Variants in MKLN1 observed in about 807,000 individuals in gnomAD.
The protein encoded by MKLN1 is muskelin.
A neutral mutation model predicts 99.0 loss-of-function variants in MKLN1; 18 were observed. The observed-to-expected ratio is 0.18, with a 90% CI of 0.13 to 0.27. The LOEUF (loss-of-function observed/expected upper bound fraction) is 0.27. Among genes scored for constraint, MKLN1 ranks in the 10% least tolerant of loss-of-function variants. MKLN1 has a pLI of 1.00. For missense variants in MKLN1, 621 were observed against 875.9 expected (o/e 0.71, Z 3.67); for synonymous variants, 288 against 293.2 (o/e 0.98, Z 0.18).
intron 2 of MKLN1, among the ~76,000 whole-genome samples, chr7:131,194,599 GTTACTC>G (rs1796615389): frequency 6.6e-6 from 1 of 152,184 alleles, no homozygotes; most frequent in African/African-American, 2.4e-5. Context: ...GCCAGACCCA[GTTACTC>G]TAGTGCTCTT....
At chr7:131,261,959 A>G (rs1797738003) in intron 3 of MKLN1, among the ~76,000 whole-genome samples, 1 of 152,154 alleles carries the variant, frequency 6.6e-6, no homozygotes, top group Non-Finnish European at 1.5e-5. Flanking sequence ...AGACACAAAA[A>G]AGAGAACAGC....
At chr7:131,478,738 G>C in intron 17 of MKLN1, 61 bp downstream of exon 17, 1 of 1,590,172 alleles carries the variant, frequency 6.3e-7, no homozygotes, top group Non-Finnish European at 8.6e-7. Context: ...GTTGGATTTT[G>C]GTTTCTTTTA....
At chr7:131,354,503 A>AT (rs1013936464) in intron 1 of MKLN1, among the ~76,000 whole-genome samples, 28 of 90,886 alleles carry the variant, frequency 3.1e-4, no homozygotes, top group Admixed American at 4.0e-4. Context: ...TAGTCCTAGG[A>AT]TTTTTTTTTG....
chr7:131,269,559 C>T (rs1797855233), intron 3 of MKLN1, among the ~76,000 whole-genome samples: 1 of 152,218 alleles, frequency 6.6e-6, no homozygotes, highest in African/African-American at 2.4e-5. Context: ...GAGACATAAA[C>T]ATTTAGCTCA....
intron 3 of MKLN1, among the ~76,000 whole-genome samples, chr7:131,284,452 A>G (rs1798103378): frequency 6.6e-6 from 1 of 152,196 alleles, no homozygotes; most frequent in Admixed American, 6.5e-5. Context: ...ATATATTGAT[A>G]TGTGGATTGT....
chr7:131,193,322 A>G (rs368067204), intron 2 of MKLN1, among the ~76,000 whole-genome samples: 5 of 152,138 alleles, frequency 3.3e-5, no homozygotes, highest in South Asian at 4.1e-4. Flanking sequence ...AGTCAACCCA[A>G]TGGAATTTAC....
At chr7:131,242,284 C>A (rs1299617505) in intron 3 of MKLN1, among the ~76,000 whole-genome samples, 1 of 152,114 alleles carries the variant, frequency 6.6e-6, no homozygotes, top group Non-Finnish European at 1.5e-5. Context: ...GCCTGTAATC[C>A]CAGCAATTTG....
chr7:131,449,369 T>C (rs553064016), intron 12 of MKLN1, among the ~76,000 whole-genome samples: 13 of 152,344 alleles, frequency 8.5e-5, no homozygotes, highest in Non-Finnish European at 1.3e-4. Flanking sequence ...TAAAATAGAT[T>C]ATTCAAAGGT....
At position 131,125,241 on chromosome 7, in the gene MKLN1, A is replaced by G. The variant is rs559307228; in HGVS notation, c.-419+15034A>G. The stretch of plus-strand genomic sequence containing the variant: ...TCATTCTGCTGAAAAGTGATCGTCA[A>G]ATAAAGTTGGCATGACTTAAATTTA... On this transcript the variant is annotated intron_variant, in intron 1 of 7. Coordinates refer to the MKLN1 transcript ENST00000416992. Among the ~76,000 whole-genome samples the G allele has an allele frequency of 3.3e-4, 50 of 152,376 alleles. 2 individuals are homozygous for G. In the South Asian group the frequency reaches 9.5e-3, roughly 29 times the overall value.
chr7:131,469,394 A>G (rs1796755744), intron 15 of MKLN1, among the ~76,000 whole-genome samples: 1 of 152,116 alleles, frequency 6.6e-6, no homozygotes, highest in South Asian at 2.1e-4. Flanking sequence ...GAGTGTCCCT[A>G]TTAGGAAGAA....
chr7:131,439,902 ACACACACACACACACAG>A (rs1302884110), intron 10 of MKLN1, among the ~76,000 whole-genome samples: 1 of 69,958 alleles, frequency 1.4e-5, no homozygotes, highest in Non-Finnish European at 3.0e-5. Flanking sequence ...ACACACACAC[ACACACACACACACACAG>A]TCTCTCTCTC....
At chr7:131,386,601 A>G (rs1794034785) in intron 2 of MKLN1, among the ~76,000 whole-genome samples, 1 of 152,190 alleles carries the variant, frequency 6.6e-6, no homozygotes, top group African/African-American at 2.4e-5. Context: ...TCCAATGTGT[A>G]ATAGGAAAAT....
In MKLN1 at chr7:131,400,518, A is replaced by AAAT. The variant is rs527702723; in HGVS notation, c.703+1086_703+1087insATA. Among the ~76,000 whole-genome samples the AAAT allele has an allele frequency of 2.8e-3, 389 of 137,422 alleles. 3 individuals are homozygous for AAAT. The highest frequency in any genetic ancestry group is 8.6e-3 in the African/African-American group (307 of 35,652). 90.2% of individuals were successfully genotyped at this position (137,422 alleles called of 152,430 possible). On this transcript the variant is annotated intron_variant, in intron 6 of 17. Coordinates refer to ENST00000352689, the MANE Select transcript of MKLN1 (RefSeq NM_013255.5). ...TTTAAAATGCTACCAATAAAAAAAA[A>AAAT]ATATATATATATATATATATATGCC...
At chr7:131,190,190 G>A (rs1450141667) in intron 2 of MKLN1, among the ~76,000 whole-genome samples, 1 of 152,166 alleles carries the variant, frequency 6.6e-6, no homozygotes, top group East Asian at 1.9e-4. Flanking sequence ...AGTAGGATAA[G>A]CTGCTGATAG....
intron 2 of MKLN1, among the ~76,000 whole-genome samples, chr7:131,174,037 G>A (rs537220036): frequency 1.4e-5 from 2 of 143,616 alleles, no homozygotes; most frequent in South Asian, 4.5e-4. Flanking sequence ...GCAGTGGCAC[G>A]ATTCGGCTCA....
At chr7:131,172,406 T>A (rs1796229753) in intron 2 of MKLN1, among the ~76,000 whole-genome samples, 1 of 151,724 alleles carries the variant, frequency 6.6e-6, no homozygotes, top group African/African-American at 2.4e-5. Flanking sequence ...AGCTCCACCT[T>A]CTGGGTTCAC....
rs1014263566 is a variant in MKLN1, at chr7:131,141,661, C to A, written c.-418-1159C>A. ...TGTGCCCTCCACCCAAAACAGACTT[C>A]CCCACCTCTTTATTTGGTTAACTCC... is the stretch of plus-strand genomic sequence containing the variant. On this transcript the variant is annotated intron_variant, in intron 1 of 7. Transcript: ENST00000416992. Among the ~76,000 whole-genome samples, 4 of 152,226 alleles carry A rather than the reference C, an allele frequency of 2.6e-5. No homozygotes were observed. In the East Asian group the frequency reaches 7.7e-4, roughly 29 times the overall value.
chr7:131,325,986 GA>G (rs1233384858), upstream of MKLN1, among the ~76,000 whole-genome samples: 4 of 151,942 alleles, frequency 2.6e-5, no homozygotes, highest in Non-Finnish European at 4.4e-5. Context: ...GAAGGGTATT[GA>G]AAGTCACCAA....
At chr7:131,441,254 T>A (rs1795831438) in intron 10 of MKLN1, among the ~76,000 whole-genome samples, 1 of 152,158 alleles carries the variant, frequency 6.6e-6, no homozygotes, top group Non-Finnish European at 1.5e-5. Flanking sequence ...GGGAGGGTGG[T>A]AGGTTGGACA....
Sources: allele counts gnomAD v4.1 joint callset (sites outside exome capture counted in the v4.1 genomes callset), GRCh38; gene constraint gnomAD v4.1.1; transcripts MANE v1.5; gene names NCBI Gene and HGNC (gene_info 2026-07-23, HGNC 2026-07-21).